CCDC102B: variants seen among roughly 807,000 people sequenced by gnomAD.
CCDC102B encodes the protein coiled-coil domain-containing protein 102B.
In CCDC102B, 75 loss-of-function variants were observed where a neutral mutation model predicts 57.4. The ratio of observed to expected loss-of-function variants is 1.31; its 90% CI spans 1.08 to 1.58. The LOEUF (loss-of-function observed/expected upper bound fraction) is 1.58, where lower values mean the gene tolerates loss of function less well. Among genes scored for constraint, CCDC102B ranks in the 40% most tolerant of loss-of-function variants. The pLI is 0.00. For missense variants in CCDC102B, 636 were observed against 582.6 expected (o/e 1.09, Z -0.94); for synonymous variants, 206 against 201.9 (o/e 1.02, Z -0.17).
chr18:69,024,443 C>G (rs368080349), intron 7 of CCDC102B, among the ~76,000 whole-genome samples: 1 of 152,080 alleles, frequency 6.6e-6, no homozygotes, highest in Non-Finnish European at 1.5e-5. Flanking sequence ...GATACATATG[C>G]TAGAGCTATA....
chr18:69,018,352 A>G (rs937099335), intron 7 of CCDC102B, among the ~76,000 whole-genome samples: 18 of 152,310 alleles, frequency 1.2e-4, no homozygotes, highest in Admixed American at 9.8e-4. Context: ...GAACCCTCAT[A>G]CTGTTCTCCA....
intron 6 of CCDC102B, among the ~76,000 whole-genome samples, chr18:68,968,707 C>T (rs909205441): frequency 6.6e-6 from 1 of 152,174 alleles, no homozygotes; most frequent in Non-Finnish European, 1.5e-5. Flanking sequence ...CATAATCCCT[C>T]CTCCAGCCCC....
chr18:68,948,210 A>G (rs940763454), intron 6 of CCDC102B, among the ~76,000 whole-genome samples: 1 of 152,126 alleles, frequency 6.6e-6, no homozygotes, highest in African/African-American at 2.4e-5. Flanking sequence ...TATGATAACA[A>G]TTATGAAAAT....
chr18:68,826,741 T>C (rs1188446170), intron 1 of CCDC102B, among the ~76,000 whole-genome samples: 1 of 152,168 alleles, frequency 6.6e-6, no homozygotes, highest in Non-Finnish European at 1.5e-5. Flanking sequence ...AGGAAACATA[T>C]CAAGAATAAA....
chr18:68,811,611 A>G (rs1395452699), intron 1 of CCDC102B, among the ~76,000 whole-genome samples: 1 of 152,166 alleles, frequency 6.6e-6, no homozygotes, highest in Non-Finnish European at 1.5e-5. Flanking sequence ...GTGAAATTTC[A>G]TCTCAAAAAC....
At chr18:69,020,292 A>G (rs1359386472) in intron 7 of CCDC102B, among the ~76,000 whole-genome samples, 6 of 152,156 alleles carry the variant, frequency 3.9e-5, no homozygotes, top group African/African-American at 1.4e-4. Context: ...AGGAAGAAGA[A>G]TCACCTAACT....
intron 2 of CCDC102B, among the ~76,000 whole-genome samples, chr18:68,770,611 A>G (rs796932229): frequency 3.3e-5 from 5 of 152,342 alleles, no homozygotes; most frequent in African/African-American, 1.2e-4. Flanking sequence ...ACTAGATCAT[A>G]TTCTGCTCAG....
At chr18:68,964,058 G>A (rs1299913224) in intron 6 of CCDC102B, among the ~76,000 whole-genome samples, 1 of 151,786 alleles carries the variant, frequency 6.6e-6, no homozygotes, top group Non-Finnish European at 1.5e-5. Flanking sequence ...CTGTCTTCGG[G>A]TCTGGAAAAT....
chr18:68,869,814 G>A (rs2039160821), intron 4 of CCDC102B, among the ~76,000 whole-genome samples: 1 of 152,016 alleles, frequency 6.6e-6, no homozygotes, highest in African/African-American at 2.4e-5. Flanking sequence ...TGTCCTGAAT[G>A]GTATTGCCCA....
chr18:68,857,539 C>G (rs1048368431), intron 4 of CCDC102B, among the ~76,000 whole-genome samples: 1 of 149,754 alleles, frequency 6.7e-6, no homozygotes, highest in Non-Finnish European at 1.5e-5. Flanking sequence ...CCTTGTATCA[C>G]TCACTGCAGA....
intron 2 of CCDC102B, among the ~76,000 whole-genome samples, chr18:68,757,969 C>T (rs960545810): frequency 5.9e-5 from 9 of 152,076 alleles, no homozygotes; most frequent in Non-Finnish European, 1.0e-4. Context: ...GCAGTGGTAG[C>T]TGTGTCCCAC....
At chr18:68,942,879 A>G (rs977899793) in intron 6 of CCDC102B, among the ~76,000 whole-genome samples, 3 of 135,972 alleles carry the variant, frequency 2.2e-5, no homozygotes, top group East Asian at 2.2e-4. Flanking sequence ...GTTTCAGACT[A>G]TCACATGGGG....
chr18:68,885,345 A>C (rs1195362337), intron 5 of CCDC102B, among the ~76,000 whole-genome samples: 1 of 152,114 alleles, frequency 6.6e-6, no homozygotes, highest in South Asian at 2.1e-4. Context: ...AGAGAATTAG[A>C]AAAACAAAAT....
chr18:68,951,679 A>T (rs538616009), intron 6 of CCDC102B, among the ~76,000 whole-genome samples: 6 of 151,908 alleles, frequency 3.9e-5, no homozygotes, highest in African/African-American at 1.2e-4. Context: ...GTGGTGTCAC[A>T]CATCTTTAAT....
intron 2 of CCDC102B, among the ~76,000 whole-genome samples, chr18:68,748,527 A>T (rs1386999903): frequency 6.6e-6 from 1 of 152,048 alleles, no homozygotes; most frequent in Non-Finnish European, 1.5e-5. Context: ...GTAATTTTCA[A>T]TTCTTTCATC....
At chr18:68,725,862 A>G (rs958554764) in intron 2 of CCDC102B, among the ~76,000 whole-genome samples, 4 of 152,234 alleles carry the variant, frequency 2.6e-5, no homozygotes, top group African/African-American at 7.2e-5. Context: ...ACCACAGGCA[A>G]TAATGGATGA....
chr18:69,016,991 T>C (rs1381365846), intron 7 of CCDC102B, among the ~76,000 whole-genome samples: 3 of 152,158 alleles, frequency 2.0e-5, no homozygotes. Context: ...TTAACTAATA[T>C]GAAAGTAAAG....
intron 4 of CCDC102B, among the ~76,000 whole-genome samples, chr18:68,857,072 T>A (rs1306548781): frequency 1.4e-4 from 17 of 120,026 alleles, no homozygotes; most frequent in East Asian, 4.5e-4. Flanking sequence ...TTTTTATATA[T>A]TATATATAAA....
intron 1 of CCDC102B, among the ~76,000 whole-genome samples, chr18:68,802,075 G>A (rs2035874610): frequency 6.6e-6 from 1 of 152,170 alleles, no homozygotes; most frequent in Non-Finnish European, 1.5e-5. Flanking sequence ...GGAAAAAAGA[G>A]AAAGATGTGG....
Sources: gnomAD v4.1 joint callset for allele counts (sites outside exome capture counted in the v4.1 genomes callset) on GRCh38, gnomAD v4.1.1 for gene constraint, MANE v1.5 for transcripts, NCBI Gene and HGNC (gene_info 2026-07-23, HGNC 2026-07-21) for gene names.